L2HGDH: variants seen among roughly 807,000 people sequenced by gnomAD.
L2HGDH encodes the protein L-2-hydroxyglutarate dehydrogenase, mitochondrial.
A neutral mutation model predicts 51.5 loss-of-function variants in L2HGDH; 34 were observed. The observed-to-expected ratio is 0.66, with a 90% CI of 0.50 to 0.88. The LOEUF (loss-of-function observed/expected upper bound fraction) is 0.88, where lower values mean the gene tolerates loss of function less well. Ranked by LOEUF, L2HGDH falls within the 40% of genes least tolerant of loss-of-function variation. The pLI is 0.00. For missense variants in L2HGDH, 558 were observed against 571.9 expected, an observed-to-expected ratio of 0.98 and a Z score of 0.25; for synonymous variants, 198 against 197.9, an observed-to-expected ratio of 1.00 and a Z score of -0.01.
At chr14:50,311,786 G>A (rs112182124) in intron 1 of L2HGDH, among the ~76,000 whole-genome samples, 1 of 152,196 alleles carries the variant, frequency 6.6e-6, no homozygotes, top group African/African-American at 2.4e-5. Context: ...CAAAGCCAGA[G>A]CTACTCCCGA....
At chr14:50,287,501 A>G (rs996855020) in intron 4 of L2HGDH, among the ~76,000 whole-genome samples, 2 of 151,840 alleles carry the variant, frequency 1.3e-5, no homozygotes, top group Non-Finnish European at 2.9e-5. Context: ...TGCATCTTAC[A>G]TTTGAAAGAC....
Position 50,243,615 on chromosome 14 carries a change from A to C in L2HGDH, c.*3443T>G. On this transcript the variant is annotated 3_prime_UTR_variant, in exon 10 of 10. Transcript: ENST00000267436. The stretch of plus-strand genomic sequence containing the variant: ...GTTTTACAAGCAGAATAACCTACAT[A>C]TTCAAAACACTTTCAACAAATTTTT... 1 of 793,310 alleles carries C rather than the reference A, an allele frequency of 1.3e-6. No individual in the cohort carries two copies. Among genetic ancestry groups the C allele is most frequent in the Non-Finnish European group, 1.5e-6 (1 of 655,682 alleles). The allele number at this position is 793,310 out of a possible 1,614,324, so 49.1% of individuals were successfully genotyped here.
intron 1 of L2HGDH, among the ~76,000 whole-genome samples, chr14:50,310,940 T>C (rs866066889): frequency 1.3e-4 from 16 of 124,514 alleles, no homozygotes; most frequent in South Asian, 1.1e-3. Context: ...TCTTTTCTTT[T>C]TTTTTTTTTT....
intron 9 of L2HGDH, among the ~76,000 whole-genome samples, chr14:50,259,669 A>C (rs1888896253): frequency 6.6e-6 from 1 of 151,374 alleles, no homozygotes; most frequent in East Asian, 2.0e-4. Flanking sequence ...CTCTACTAAA[A>C]ATAGGGAAAA....
chr14:50,266,054 G>A (rs1450645749), intron 8 of L2HGDH, among the ~76,000 whole-genome samples: 3 of 151,842 alleles, frequency 2.0e-5, no homozygotes, highest in Non-Finnish European at 4.4e-5. Flanking sequence ...GCTGAAGTGG[G>A]AGGCTCGCTT....
chr14:50,311,642 G>A (rs887044300), intron 1 of L2HGDH, among the ~76,000 whole-genome samples: 2 of 152,184 alleles, frequency 1.3e-5, no homozygotes, highest in Non-Finnish European at 2.9e-5. Context: ...ATATTTGATT[G>A]CTTATACTGT....
intron 6 of L2HGDH, among the ~76,000 whole-genome samples, chr14:50,271,174 G>A (rs1249182454): frequency 1.3e-5 from 2 of 152,132 alleles, no homozygotes; most frequent in Non-Finnish European, 2.9e-5. Context: ...CTTCTAAATA[G>A]GTTAATATCT....
At chr14:50,306,523 G>C (rs1425552863) in intron 1 of L2HGDH, among the ~76,000 whole-genome samples, 1 of 151,620 alleles carries the variant, frequency 6.6e-6, no homozygotes, top group Admixed American at 6.6e-5. Flanking sequence ...CCCTTACAGG[G>C]GTGGTCTTGA....
chr14:50,291,605 C>T (rs564625720), intron 4 of L2HGDH, among the ~76,000 whole-genome samples: 1 of 152,258 alleles, frequency 6.6e-6, no homozygotes, highest in East Asian at 1.9e-4. Flanking sequence ...ATACCAGCAG[C>T]GTCTTAGGAG....
chr14:50,295,384 T>A (rs1163676963), intron 3 of L2HGDH, among the ~76,000 whole-genome samples: 1 of 151,824 alleles, frequency 6.6e-6, no homozygotes, highest in African/African-American at 2.4e-5. Flanking sequence ...CTTAAAAAAA[T>A]TTGTATCTAT....
rs1041387460 is a variant in L2HGDH, at chr14:50,244,840, C to G, written c.*2218G>C. 2.0e-6 allele frequency: 2 copies of G among 985,164 alleles called. No homozygotes were observed. The highest frequency in any genetic ancestry group is 3.5e-5 in the African/African-American group (2 of 57,166). 61.0% of individuals were successfully genotyped at this position (985,164 alleles called of 1,614,324 possible). On this transcript the variant is annotated 3_prime_UTR_variant, in exon 10 of 10. Coordinates refer to ENST00000267436, the MANE Select transcript of L2HGDH (RefSeq NM_024884.3). ...CCATCCATCATACAGCTTTGGAGAG[C>G]TAAGAGGAAAGAAGACATACACAGT...
chr14:50,298,360 G>C (rs2030201451), intron 3 of L2HGDH, among the ~76,000 whole-genome samples: 1 of 151,806 alleles, frequency 6.6e-6, no homozygotes, highest in Non-Finnish European at 1.5e-5. Context: ...TTGTTGCCCA[G>C]GCTGGAGTGC....
intron 3 of L2HGDH, among the ~76,000 whole-genome samples, chr14:50,296,082 A>G (rs982397482): frequency 6.6e-6 from 1 of 152,072 alleles, no homozygotes; most frequent in Non-Finnish European, 1.5e-5. Flanking sequence ...ATTCTTAAAA[A>G]TTATAAGGGC....
chr14:50,280,353 G>T (rs1011709237), intron 5 of L2HGDH, among the ~76,000 whole-genome samples: 10 of 152,206 alleles, frequency 6.6e-5, no homozygotes, highest in African/African-American at 2.4e-4. Flanking sequence ...TTTTAGTGGA[G>T]ATGGGTTTTA....
At chr14:50,297,157 G>A (rs1428294892) in intron 3 of L2HGDH, among the ~76,000 whole-genome samples, 1 of 152,076 alleles carries the variant, frequency 6.6e-6, no homozygotes, top group Non-Finnish European at 1.5e-5. Context: ...TCATACTTAA[G>A]GGTAAAAGAT....
At chr14:50,259,180 C>T (rs1460043164) in intron 9 of L2HGDH, among the ~76,000 whole-genome samples, 2 of 151,210 alleles carry the variant, frequency 1.3e-5, no homozygotes, top group Admixed American at 1.3e-4. Flanking sequence ...GACATGTTGT[C>T]TTGCTAAGCT....
rs550253848 is a variant in L2HGDH, at chr14:50,271,833, T to C, written c.739-2503A>G. Among the ~76,000 whole-genome samples, 231 of 152,184 alleles carry C rather than the reference T, an allele frequency of 1.5e-3. 1 individual carries two copies. The highest frequency in any genetic ancestry group is 2.7e-3 in the Non-Finnish European group (182 of 67,996). The stretch of plus-strand genomic sequence containing the variant: ...AAACCTTTAATTAGCAAATCCTACC[T>C]GCAAAAATTTATTTTAAAAATCCCT... On this transcript the variant is annotated intron_variant, in intron 6 of 9. Coordinates refer to ENST00000267436, the MANE Select transcript of L2HGDH (RefSeq NM_024884.3).
chr14:50,247,906 A>G (rs1320887155), intron 9 of L2HGDH, among the ~76,000 whole-genome samples: 1 of 151,048 alleles, frequency 6.6e-6, no homozygotes, highest in Non-Finnish European at 1.5e-5. Flanking sequence ...TTTTTTTTTT[A>G]ATTGAGATAG....
intron 9 of L2HGDH, among the ~76,000 whole-genome samples, chr14:50,255,858 T>C (rs1235843638): frequency 6.6e-6 from 1 of 151,986 alleles, no homozygotes; most frequent in Non-Finnish European, 1.5e-5. Flanking sequence ...TGAAGCCTCA[T>C]CTCTAACTAA....
Sources: allele counts gnomAD v4.1 joint callset (sites outside exome capture counted in the v4.1 genomes callset), GRCh38; gene constraint gnomAD v4.1.1; transcripts MANE v1.5; gene names NCBI Gene and HGNC (gene_info 2026-07-23, HGNC 2026-07-21).